The following PRKN variants were observed in gnomAD, a reference collection of about 807,000 sequenced individuals.
The protein encoded by PRKN is parkin RBR E3 ubiquitin protein ligase.
A neutral mutation model predicts 59.5 loss-of-function variants in PRKN; 56 were observed. That is an observed-to-expected ratio of 0.94 (90% CI 0.76 to 1.18). The LOEUF is 1.18. PRKN is among the 50% of genes most tolerant of loss of function. The probability of loss-of-function intolerance (pLI) is 0.00; values close to 1 mark genes in which losing one functional copy is unlikely to be tolerated. For missense variants in PRKN, 657 were observed against 596.4 expected (o/e 1.10, Z -1.06); for synonymous variants, 250 against 222.1 (o/e 1.13, Z -1.12).
Position 162,514,035 on chromosome 6 carries a change from G to A in PRKN, c.8-70562C>T, listed in dbSNP as rs150159654. Among the ~76,000 whole-genome samples the A allele has an allele frequency of 2.6e-5, 4 of 151,632 alleles. 1 individual carries two copies. The South Asian group carries it at 8.4e-4, about 32-fold the overall frequency. ...CACTCTAGCTTGGGCGACACAGCGAGACTCCATCTCAAAAAAAAAGAAAAA... is the reference window on the plus strand; with the variant it reads ...CACTCTAGCTTGGGCGACACAGCGAAACTCCATCTCAAAAAAAAAGAAAAA... On this transcript the variant is annotated intron_variant, in intron 1 of 11. Coordinates refer to ENST00000366898, the MANE Select transcript of PRKN (RefSeq NM_004562.3).
chr6:162,539,137 G>C (rs1778827464), intron 1 of PRKN, among the ~76,000 whole-genome samples: 4 of 152,098 alleles, frequency 2.6e-5, no homozygotes, highest in South Asian at 2.1e-4. Context: ...CTGTGGCTTT[G>C]GCTAGAGCTG....
intron 6 of PRKN, among the ~76,000 whole-genome samples, chr6:161,942,911 T>C (rs988341201): frequency 7.2e-5 from 11 of 152,320 alleles, no homozygotes; most frequent in African/African-American, 2.4e-4. Context: ...AAATTTAAAA[T>C]AGACATTTGC....
intron 5 of PRKN, among the ~76,000 whole-genome samples, chr6:161,976,214 A>C (rs1189015339): frequency 1.3e-5 from 2 of 152,172 alleles, no homozygotes; most frequent in East Asian, 1.9e-4. Flanking sequence ...TGAGTGTGCC[A>C]TTTTGATGAG....
In PRKN at chr6:161,665,241, G is replaced by A. The variant is rs1784684409; in HGVS notation, c.872-95825C>T. Reference sequence around the variant, plus strand: ...TTTAGTATTATGTTCCTAAATCTGGGATATGGCTATTTTTTTCTGTTGAAA... The same window carrying A: ...TTTAGTATTATGTTCCTAAATCTGGAATATGGCTATTTTTTTCTGTTGAAA... On this transcript the variant is annotated intron_variant, in intron 7 of 11. Transcript: ENST00000366898. Among the ~76,000 whole-genome samples, 3 of 151,722 alleles carry A rather than the reference G, an allele frequency of 2.0e-5. No homozygotes were observed. The South Asian group carries it at 6.3e-4, about 32-fold the overall frequency.
At chr6:161,897,943 G>T (rs1777710479) in intron 6 of PRKN, among the ~76,000 whole-genome samples, 1 of 64,354 alleles carries the variant, frequency 1.6e-5, no homozygotes, top group African/African-American at 5.6e-5. Context: ...CTCCAGCCTG[G>T]GTGACAGAGC....
At position 162,055,285 on chromosome 6, in the gene PRKN, T is replaced by C. The variant is rs902749054; in HGVS notation, c.535-1111A>G. ...TCTTCTAAACAGAAAGTTCAGACCATCTACTTGGAAACAAAAATCAAAATA... is the reference window on the plus strand; with the variant it reads ...TCTTCTAAACAGAAAGTTCAGACCACCTACTTGGAAACAAAAATCAAAATA... On this transcript the variant is annotated intron_variant, in intron 4 of 11. Coordinates refer to ENST00000366898, the MANE Select transcript of PRKN (RefSeq NM_004562.3). Among the ~76,000 whole-genome samples the C allele has an allele frequency of 6.6e-5, 10 of 152,124 alleles. No homozygotes were observed. The South Asian group carries it at 8.3e-4, about 13-fold the overall frequency.
chr6:162,274,176 T>TATTAATTAATTA (rs1780508890), intron 2 of PRKN, among the ~76,000 whole-genome samples: 2 of 148,432 alleles, frequency 1.3e-5, no homozygotes, highest in Non-Finnish European at 1.5e-5. Context: ...TTTATTAATT[T>TATTAATTAATTA]ATTAATGTAT....
chr6:162,666,104 C>CA (rs1166586390), intron 1 of PRKN, among the ~76,000 whole-genome samples: 1 of 152,084 alleles, frequency 6.6e-6, no homozygotes, highest in Non-Finnish European at 1.5e-5. Context: ...TAGGCAATAC[C>CA]ATTCAGGACA....
At chr6:162,054,383 A>G (rs1165055993) in intron 4 of PRKN, among the ~76,000 whole-genome samples, 1 of 152,222 alleles carries the variant, frequency 6.6e-6, no homozygotes, top group Non-Finnish European at 1.5e-5. Flanking sequence ...TACAAAGACG[A>G]TATTTGACAT....
At chr6:162,484,540 G>T (rs150699733) in intron 1 of PRKN, among the ~76,000 whole-genome samples, 18 of 152,310 alleles carry the variant, frequency 1.2e-4, no homozygotes, top group Admixed American at 6.5e-4. Flanking sequence ...GTTACAAACA[G>T]CTTAGCAGGT....
intron 6 of PRKN, among the ~76,000 whole-genome samples, chr6:161,879,832 T>C (rs1347200593): frequency 1.3e-5 from 2 of 152,234 alleles, no homozygotes; most frequent in East Asian, 3.8e-4. Flanking sequence ...CACACCATTT[T>C]ACATAATTAC....
chr6:161,705,819 T>C (rs980527949), intron 7 of PRKN, among the ~76,000 whole-genome samples: 4 of 152,182 alleles, frequency 2.6e-5, no homozygotes, highest in African/African-American at 9.7e-5. Flanking sequence ...TGCATTTCTG[T>C]GGTTCTACTG....
At chr6:161,768,468 T>C (rs1274164399) in intron 7 of PRKN, among the ~76,000 whole-genome samples, 1 of 152,078 alleles carries the variant, frequency 6.6e-6, no homozygotes, top group Non-Finnish European at 1.5e-5. Context: ...TTAGTAAAAA[T>C]AAAGAATTGA....
intron 1 of PRKN, among the ~76,000 whole-genome samples, chr6:162,670,976 C>A (rs994446594): frequency 6.6e-6 from 1 of 151,968 alleles, no homozygotes; most frequent in Non-Finnish European, 1.5e-5. Context: ...CAATACCATT[C>A]GATTGTTGAA....
At chr6:161,574,176 C>T (rs945338583) in intron 7 of PRKN, among the ~76,000 whole-genome samples, 1 of 151,994 alleles carries the variant, frequency 6.6e-6, no homozygotes, top group African/African-American at 2.4e-5. Context: ...CACAGGGACA[C>T]TAGTGTGGGA....
chr6:161,712,184 T>G (rs1786777462), intron 7 of PRKN, among the ~76,000 whole-genome samples: 1 of 152,158 alleles, frequency 6.6e-6, no homozygotes, highest in African/African-American at 2.4e-5. Flanking sequence ...GGGAAATCAC[T>G]TGGGAGAATA....
intron 7 of PRKN, among the ~76,000 whole-genome samples, chr6:161,737,900 A>AT (rs1360729034): frequency 6.6e-6 from 1 of 152,210 alleles, no homozygotes; most frequent in African/African-American, 2.4e-5. Context: ...AGCGTATCAC[A>AT]TATTACATCC....
intron 3 of PRKN, among the ~76,000 whole-genome samples, chr6:162,250,133 A>G (rs1204795750): frequency 6.6e-6 from 1 of 151,092 alleles, no homozygotes; most frequent in Non-Finnish European, 1.5e-5. Context: ...GTTACAACAG[A>G]GCAAGACTCC....
intron 6 of PRKN, among the ~76,000 whole-genome samples, chr6:161,818,489 T>C (rs1397218722): frequency 6.6e-6 from 1 of 151,958 alleles, no homozygotes; most frequent in Non-Finnish European, 1.5e-5. Flanking sequence ...TATGCCACCA[T>C]GCCTGGCTAA....
Sources: allele counts gnomAD v4.1 joint callset (sites outside exome capture counted in the v4.1 genomes callset), GRCh38; gene constraint gnomAD v4.1.1; transcripts MANE v1.5; gene names NCBI Gene and HGNC (gene_info 2026-07-23, HGNC 2026-07-21).